The following TMEM8B variants were observed in gnomAD, a reference collection of about 807,000 sequenced individuals.
The protein encoded by TMEM8B is nasopharyngeal carcinoma expressed 6.
A neutral mutation model predicts 49.3 loss-of-function variants in TMEM8B; 29 were observed. That is an observed-to-expected ratio of 0.59 (90% CI 0.44 to 0.80). TMEM8B has a LOEUF of 0.80. Ranked by LOEUF, TMEM8B falls within the 30% of genes least tolerant of loss-of-function variation. The probability of loss-of-function intolerance (pLI) is 0.00; values close to 1 mark genes in which losing one functional copy is unlikely to be tolerated. For missense variants in TMEM8B, 575 were observed against 658.5 expected (o/e 0.87, Z 1.39); for synonymous variants, 264 against 272.8 (o/e 0.97, Z 0.32).
chr9:35,832,394 C>G (rs1307256043), intron 1 of TMEM8B, among the ~76,000 whole-genome samples: 2 of 152,136 alleles, frequency 1.3e-5, no homozygotes, highest in African/African-American at 2.4e-5. Flanking sequence ...GACCCTTTCT[C>G]AAGCATCTGC....
intron 7 of TMEM8B, 92 bp from the exon 8 acceptor site, chr9:35,846,166 G>C: frequency 1.9e-6 from 3 of 1,607,260 alleles, no homozygotes; most frequent in Non-Finnish European, 2.6e-6. Context: ...AGGAATGATA[G>C]GCTAGGGTTC....
At position 35,829,788 on chromosome 9, in the gene TMEM8B, C is replaced by T. The variant is rs1829667892; in HGVS notation, c.341C>T (p.Pro114Leu). ...CCCCAGTGTCCAGCCCAGCCCAACCCATTATCTCAGCCTTTGCCCTCATCT... is the reference window on the plus strand; with the variant it reads ...CCCCAGTGTCCAGCCCAGCCCAACCTATTATCTCAGCCTTTGCCCTCATCT... The part of the protein sequence containing the change: ...FKPQCPAQPN[P>L]LSQPLPSSLC... The change falls in exon 1 of 13, where the codon CCA becomes CTA. Residue 114 changes from proline (P) to leucine (L), a missense_variant. Physicochemically the swap from Pro to Leu is moderately conservative, Grantham distance 98 (BLOSUM62 -3). Coordinates refer to ENST00000643932, the MANE Select transcript of TMEM8B (RefSeq NM_001042590.4). 2.4e-6 allele frequency: 1 copy of T among 416,706 alleles called. No homozygotes were observed. The highest frequency in any genetic ancestry group is 4.4e-6 in the Non-Finnish European group (1 of 227,234). The allele number at this position is 416,706 out of a possible 1,614,324, so 25.8% of individuals were successfully genotyped here. A position where few individuals can be genotyped will look rare whatever the true frequency, so the allele number is the denominator to read the frequency against.
intron 7 of TMEM8B, 41 bp downstream of exon 7, chr9:35,846,109 G>T (rs1831518333): frequency 1.2e-6 from 2 of 1,612,108 alleles, no homozygotes; most frequent in Non-Finnish European, 1.7e-6. Flanking sequence ...CTGCAGTGTG[G>T]GGGTGGTGGT....
In TMEM8B at chr9:35,846,883, C is replaced by T; in HGVS notation, c.2063C>T (p.Thr688Ile). ...ACCTATGGATTCCAGCTGCTGTCCACACTCCTGCTCTGCCTGAGCAACCTC... is the reference window on the plus strand; with the variant it reads ...ACCTATGGATTCCAGCTGCTGTCCATACTCCTGCTCTGCCTGAGCAACCTC... The part of the protein sequence containing the change: ...ALTYGFQLLS[T>I]LLLCLSNLMF... Residue 688 changes from threonine (T) to isoleucine (I), a missense_variant, in exon 10 of 13, where the codon ACA becomes ATA. Transcript: ENST00000643932. 6.2e-7 allele frequency: 1 copy of T among 1,614,256 alleles called. No individual in the cohort carries two copies. The highest frequency in any genetic ancestry group is 8.5e-7 in the Non-Finnish European group (1 of 1,180,052).
intron 1 of TMEM8B, among the ~76,000 whole-genome samples, chr9:35,832,564 A>G (rs1232100387): frequency 1.3e-5 from 2 of 152,142 alleles, no homozygotes; most frequent in Non-Finnish European, 2.9e-5. Context: ...TTGAATTACA[A>G]GGATCTTTGT....
At chr9:35,848,075 CAT>C (rs1831781026) in intron 10 of TMEM8B, among the ~76,000 whole-genome samples, 1 of 152,220 alleles carries the variant, frequency 6.6e-6, no homozygotes, top group Admixed American at 6.5e-5. Flanking sequence ...CTAGGTCAGA[CAT>C]ATGTCTAAAT....
chr9:35,853,438 A>G lies in TMEM8B; in HGVS notation c.2440-67A>G, dbSNP rs1832335674. The G allele has an allele frequency of 1.3e-6, 2 of 1,555,320 alleles. No individual in the cohort carries two copies. The highest frequency in any genetic ancestry group is 4.5e-5 in the East Asian group (2 of 44,534). On this transcript the variant is annotated intron_variant, in intron 12 of 12. Transcript: ENST00000643932. This position sits in a 1 kb window ranked among gnomAD's most constrained non-coding sequence, Gnocchi z 4.2. ...AACCAGGATACAGAGGAAACCTGAG[A>G]GTGACCAGCTCTGGCTTGGGTTCCA...
chr9:35,840,436 A>T (rs1830858833), intron 3 of TMEM8B, among the ~76,000 whole-genome samples: 1 of 152,106 alleles, frequency 6.6e-6, no homozygotes, highest in Non-Finnish European at 1.5e-5. Flanking sequence ...TGAGGTATGC[A>T]CTCTATGTGA....
chr9:35,847,149 T>C lies in TMEM8B; in HGVS notation c.2175+154T>C. 5.0e-6 allele frequency: 8 copies of C among 1,612,108 alleles called. No homozygotes were observed. In the East Asian group the frequency reaches 8.9e-5, roughly 18 times the overall value. ...GACAGCAGTGCTTCCCAAACTGTCATGCATAGATAATGGTCATTTTTGTAA... is the reference window on the plus strand; with the variant it reads ...GACAGCAGTGCTTCCCAAACTGTCACGCATAGATAATGGTCATTTTTGTAA... On this transcript the variant is annotated intron_variant, in intron 10 of 12. Coordinates refer to ENST00000643932, the MANE Select transcript of TMEM8B (RefSeq NM_001042590.4).
rs1832418721 is a variant in TMEM8B, at chr9:35,854,419, T to C, written c.*579T>C. The C allele has an allele frequency of 6.5e-6, 1 of 152,746 alleles. No homozygotes were observed. The highest frequency in any genetic ancestry group is 6.5e-5 in the Admixed American group (1 of 15,272). The allele number at this position is 152,746 out of a possible 1,614,324, so 9.5% of individuals were successfully genotyped here. A position where few individuals can be genotyped will look rare whatever the true frequency, so the allele number is the denominator to read the frequency against. The stretch of plus-strand genomic sequence containing the variant: ...GAGTCTGTGTGTCTCCAGTGATTGA[T>C]TGGTTCAGAATGGTTCTGTGATGCC... On this transcript the variant is annotated 3_prime_UTR_variant, in exon 13 of 13. Transcript: ENST00000643932.
intron 10 of TMEM8B, among the ~76,000 whole-genome samples, chr9:35,848,507 C>A (rs1012661459): frequency 1.3e-5 from 2 of 152,132 alleles, no homozygotes; most frequent in Non-Finnish European, 2.9e-5. Context: ...CTGGACTTGA[C>A]ACAAGTATCC....
chr9:35,829,878 C>T lies in TMEM8B; in HGVS notation c.431C>T (p.Pro144Leu). 1 of 416,358 alleles carries T rather than the reference C, an allele frequency of 2.4e-6. No individual in the cohort carries two copies. 25.8% of individuals were successfully genotyped at this position (416,358 alleles called of 1,614,324 possible). Residue 144 changes from proline (P) to leucine (L), a missense_variant, in exon 1 of 13, where the codon CCT becomes CTT. By Grantham distance (98) the Pro-to-Leu change is moderately conservative (BLOSUM62 -3). Coordinates refer to ENST00000643932, the MANE Select transcript of TMEM8B (RefSeq NM_001042590.4). ...TCTCATACTCTGCCCCTCTCCCAGC[C>T]TAGACTCAAGTCTGGGTTTCAGCTG... ...PISHTLPLSQPRLKSGFQLPP... is the reference protein window; with the variant it reads ...PISHTLPLSQLRLKSGFQLPP...
In TMEM8B at chr9:35,853,746, G is replaced by A. The variant is rs374952376; in HGVS notation, c.2681G>A (p.Arg894Gln). 91 of 1,612,402 alleles carry A rather than the reference G, an allele frequency of 5.6e-5. No individual in the cohort carries two copies. Among genetic ancestry groups the A allele is most frequent in the Non-Finnish European group, 6.9e-5 (81 of 1,179,030 alleles). Reference sequence around the variant, plus strand: ...GGGGTCCCATCTGGAGCCCGGGCCCGGGGCTGTGGTTACCAGCTATGCATC... The same window carrying A: ...GGGGTCCCATCTGGAGCCCGGGCCCAGGGCTGTGGTTACCAGCTATGCATC... ...DHGVPSGARA[R>Q]GCGYQLCINE... Residue 894 changes from arginine (R) to glutamine (Q), a missense_variant, in exon 13 of 13, where the codon CGG becomes CAG. Arg to Gln is a conservative substitution (Grantham distance 43, BLOSUM62 1). Transcript: ENST00000643932. This position sits in a 1 kb window ranked among gnomAD's most constrained non-coding sequence, Gnocchi z 4.2.
intron 6 of TMEM8B, among the ~76,000 whole-genome samples, chr9:35,843,465 G>C (rs1588152426): frequency 6.6e-6 from 1 of 152,058 alleles, no homozygotes; most frequent in Non-Finnish European, 1.5e-5. Context: ...ATCTCACCTG[G>C]TCATACTTCT....
At position 35,853,900 on chromosome 9, in the gene TMEM8B, G is replaced by C. The variant is rs1832389174; in HGVS notation, c.*60G>C. The C allele has an allele frequency of 6.7e-7, 1 of 1,485,968 alleles. No homozygotes were observed. The highest frequency in any genetic ancestry group is 1.4e-5 in the South Asian group (1 of 71,800). The allele number at this position is 1,485,968 out of a possible 1,614,324, so 92.0% of individuals were successfully genotyped here. A position where few individuals can be genotyped will look rare whatever the true frequency, so the allele number is the denominator to read the frequency against. ...ATGCTTCCTAGAGTTCTTTCTGGGGGTGTGGAGCCCTCTTAGAAGGAGACA... is the reference window on the plus strand; with the variant it reads ...ATGCTTCCTAGAGTTCTTTCTGGGGCTGTGGAGCCCTCTTAGAAGGAGACA... On this transcript the variant is annotated 3_prime_UTR_variant, in exon 13 of 13. Coordinates refer to ENST00000643932, the MANE Select transcript of TMEM8B (RefSeq NM_001042590.4). The surrounding 1 kb of genome is among the most constrained non-coding windows in gnomAD (Gnocchi z 4.2).
intron 10 of TMEM8B, chr9:35,847,246 ACT>A (rs987356751): frequency 4.4e-6 from 5 of 1,128,184 alleles, no homozygotes; most frequent in African/African-American, 1.5e-5. Flanking sequence ...GCTGTTCCAC[ACT>A]CTGTCCACCC....
chr9:35,849,531 G>A (rs769195721), intron 10 of TMEM8B, among the ~76,000 whole-genome samples: 1 of 151,954 alleles, frequency 6.6e-6, no homozygotes, highest in Non-Finnish European at 1.5e-5. Context: ...TCCTTTTTTT[G>A]TAGATAAGGG....
At chr9:35,845,339 T>G in intron 6 of TMEM8B, 3 of 937,934 alleles carry the variant, frequency 3.2e-6, no homozygotes, top group Non-Finnish European at 3.8e-6. Flanking sequence ...ATTTATTATA[T>G]TCTATTTTAT....
At chr9:35,845,242 G>C (rs1324890000) in intron 6 of TMEM8B, 3 of 219,864 alleles carry the variant, frequency 1.4e-5, no homozygotes, top group Non-Finnish European at 2.3e-5. Flanking sequence ...CCTTTGCTTT[G>C]GTTGCTTGGA....
Sources: gnomAD v4.1 joint callset for allele counts (sites outside exome capture counted in the v4.1 genomes callset) on GRCh38, gnomAD v4.1.1 for gene constraint, Gnocchi (gnomAD v3.1) non-coding constraint, MANE v1.5 for transcripts, NCBI Gene and HGNC (gene_info 2026-07-23, HGNC 2026-07-21) for gene names.